The following LINGO2 variants were observed in gnomAD, a reference collection of about 807,000 sequenced individuals.
LINGO2 encodes the protein leucine-rich repeat and immunoglobulin-like domain-containing nogo receptor-interacting protein 2.
A neutral mutation model predicts 30.6 loss-of-function variants in LINGO2; 14 were observed. The observed-to-expected ratio is 0.46, with a 90% confidence interval of 0.30 to 0.72. LINGO2 has a LOEUF of 0.72. Ranked by LOEUF, LINGO2 falls within the 30% of genes least tolerant of loss-of-function variation. The pLI, the probability that LINGO2 is intolerant of heterozygous loss-of-function variation, is 0.07. For missense variants in LINGO2, 729 were observed against 751.7 expected, an observed-to-expected ratio of 0.97 and a Z score of 0.35; for synonymous variants, 317 against 288.5, an observed-to-expected ratio of 1.10 and a Z score of -1.00.
intron 1 of LINGO2, among the ~76,000 whole-genome samples, chr9:28,509,415 A>T (rs1374410753): frequency 6.6e-6 from 1 of 152,068 alleles, no homozygotes; most frequent in East Asian, 1.9e-4. Flanking sequence ...CCACCTTTTG[A>T]ACCCCTGCCT....
chr9:29,080,650 G>A, the LINGO2 span, among the ~76,000 whole-genome samples: 1 of 151,854 alleles, frequency 6.6e-6, no homozygotes, highest in Non-Finnish European at 1.5e-5. Flanking sequence ...TGTGTCTTTG[G>A]TCTCATTGGT....
At chr9:28,311,090 A>G (rs1824598829) in intron 3 of LINGO2, among the ~76,000 whole-genome samples, 3 of 152,118 alleles carry the variant, frequency 2.0e-5, no homozygotes. Flanking sequence ...CAAAAGAGAG[A>G]AATTTTAAAG....
At chr9:28,716,471 G>C in the LINGO2 span, among the ~76,000 whole-genome samples, 2 of 152,000 alleles carry the variant, frequency 1.3e-5, no homozygotes, top group Non-Finnish European at 2.9e-5. Flanking sequence ...CATAATTCAG[G>C]TGTATATTTG....
At chr9:28,285,986 G>A (rs1423608084) in intron 4 of LINGO2, among the ~76,000 whole-genome samples, 10 of 152,144 alleles carry the variant, frequency 6.6e-5, no homozygotes, top group South Asian at 2.1e-4. Context: ...GTGAAAGCTC[G>A]TGGAAGAGTC....
At chr9:28,320,406 C>G (rs537029926) in intron 3 of LINGO2, among the ~76,000 whole-genome samples, 1 of 152,278 alleles carries the variant, frequency 6.6e-6, no homozygotes, top group African/African-American at 2.4e-5. Flanking sequence ...TGCAACTGCA[C>G]AAATTGTGAA....
At chr9:28,033,244 C>A (rs1823768459) in intron 4 of LINGO2, among the ~76,000 whole-genome samples, 1 of 152,158 alleles carries the variant, frequency 6.6e-6, no homozygotes, top group African/African-American at 2.4e-5. Context: ...TCATTGAATT[C>A]CTATGGCTTG....
At chr9:28,517,915 C>T (rs746028516) in intron 1 of LINGO2, among the ~76,000 whole-genome samples, 2 of 152,188 alleles carry the variant, frequency 1.3e-5, no homozygotes, top group South Asian at 2.1e-4. Context: ...GCTTCAGGGG[C>T]GGAATTTTTA....
intron 1 of LINGO2, among the ~76,000 whole-genome samples, chr9:28,659,167 G>C (rs369844737): frequency 6.6e-6 from 1 of 152,006 alleles, no homozygotes; most frequent in Non-Finnish European, 1.5e-5. Context: ...CTAACTTTTA[G>C]CTTCTCTGGG....
intron 4 of LINGO2, among the ~76,000 whole-genome samples, chr9:28,104,145 C>A (rs538745084): frequency 6.6e-6 from 1 of 151,842 alleles, no homozygotes; most frequent in Non-Finnish European, 1.5e-5. Flanking sequence ...CCCTACTCCT[C>A]TCTGTCCTTC....
chr9:28,103,304 T>C (rs548727337), intron 4 of LINGO2, among the ~76,000 whole-genome samples: 1 of 152,304 alleles, frequency 6.6e-6, no homozygotes, highest in African/African-American at 2.4e-5. Context: ...ACGGTCATGA[T>C]TCTCCATGGC....
intron 4 of LINGO2, among the ~76,000 whole-genome samples, chr9:28,108,836 C>T (rs1015502029): frequency 6.6e-6 from 1 of 152,104 alleles, no homozygotes; most frequent in African/African-American, 2.4e-5. Flanking sequence ...GATGAGGAAA[C>T]TCAGTCTCAG....
chr9:28,649,153 A>G (rs1300284646), intron 1 of LINGO2, among the ~76,000 whole-genome samples: 3 of 152,252 alleles, frequency 2.0e-5, no homozygotes, highest in East Asian at 3.9e-4. Flanking sequence ...CAAACCACAC[A>G]TACACTTTGC....
At chr9:28,457,506 TG>T (rs1824897820) in intron 2 of LINGO2, among the ~76,000 whole-genome samples, 1 of 151,946 alleles carries the variant, frequency 6.6e-6, no homozygotes, top group African/African-American at 2.4e-5. Context: ...CTCAAACTCC[TG>T]GGCTCAAGCA....
At chr9:29,025,724 C>A in the LINGO2 span, among the ~76,000 whole-genome samples, 1 of 152,120 alleles carries the variant, frequency 6.6e-6, no homozygotes, top group Non-Finnish European at 1.5e-5. Flanking sequence ...ACCATAGTCA[C>A]CATGTTGTGT....
chr9:28,149,421 C>T (rs1827920194), intron 4 of LINGO2, among the ~76,000 whole-genome samples: 1 of 151,112 alleles, frequency 6.6e-6, no homozygotes, highest in Non-Finnish European at 1.5e-5. Flanking sequence ...GCACCTCTGC[C>T]CAGCTGCCCC....
chr9:28,197,547 AT>A (rs1319984892), intron 4 of LINGO2, among the ~76,000 whole-genome samples: 7 of 152,060 alleles, frequency 4.6e-5, no homozygotes, highest in African/African-American at 1.7e-4. Flanking sequence ...TCTTCGTTGT[AT>A]TTTTATTAAT....
the LINGO2 span, among the ~76,000 whole-genome samples, chr9:28,769,206 A>G: frequency 6.6e-6 from 1 of 151,370 alleles, no homozygotes; most frequent in Non-Finnish European, 1.5e-5. Context: ...ATTTAATCTT[A>G]ATTCTATAGG....
At chr9:28,820,602 T>G in the LINGO2 span, among the ~76,000 whole-genome samples, 1 of 152,186 alleles carries the variant, frequency 6.6e-6, no homozygotes, top group Non-Finnish European at 1.5e-5. Flanking sequence ...CAGGCCACTT[T>G]AAAAACAATT....
rs148761763 is a variant in LINGO2 at position 28,057,789 on chromosome 9, T to A, written c.-86-45384A>T. On this transcript the variant is annotated intron_variant, in intron 4 of 5. Transcript: ENST00000379992. ...TTAACTCACAGCTTTTTGGTGACAA[T>A]CAAAAAGTATCTACTCTCTTCCGGC... Among the ~76,000 whole-genome samples the A allele has an allele frequency of 7.4e-3, 1,118 of 151,890 alleles. 49 individuals carry two copies. Among genetic ancestry groups the A allele is most frequent in the Admixed American group, 0.06 (919 of 15,230 alleles).
Sources: gnomAD v4.1 joint callset for allele counts (sites outside exome capture counted in the v4.1 genomes callset) on GRCh38, gnomAD v4.1.1 for gene constraint, MANE v1.5 for transcripts, NCBI Gene and HGNC (gene_info 2026-07-23, HGNC 2026-07-21) for gene names.